ZGRF1: variants seen among roughly 807,000 people sequenced by gnomAD.
The protein encoded by ZGRF1 is 5'-3' DNA helicase ZGRF1.
In ZGRF1, 196 loss-of-function variants were observed where a neutral mutation model predicts 203.5. The observed-to-expected ratio is 0.96, with a 90% CI of 0.86 to 1.08. The LOEUF is 1.08. ZGRF1 is among the 50% of genes least tolerant of loss of function. The pLI, the probability that ZGRF1 is intolerant of heterozygous loss-of-function variation, is 0.00. For synonymous variants in ZGRF1, 809 were observed against 841.3 expected, an observed-to-expected ratio of 0.96 and a Z score of 0.66; for missense variants, 2,326 against 2,416.3, an observed-to-expected ratio of 0.96 and a Z score of 0.78.
chr4:112,585,867 C>A (rs2149016074), intron 13 of ZGRF1, 142 bp from the exon 14 acceptor site: 5 of 438,522 alleles, frequency 1.1e-5, no homozygotes, highest in South Asian at 7.5e-5. Flanking sequence ...AAGTTATTTT[C>A]TGCTAAATTT....
chr4:112,611,349 G>A (rs1352609223), intron 7 of ZGRF1, among the ~76,000 whole-genome samples: 1 of 152,172 alleles, frequency 6.6e-6, no homozygotes, highest in East Asian at 1.9e-4. Context: ...GCTGCAGTGA[G>A]CCAAGATCGT....
intron 3 of ZGRF1, chr4:112,629,966 C>T: frequency 3.3e-6 from 1 of 298,718 alleles, no homozygotes; most frequent in Non-Finnish European, 6.9e-6. Flanking sequence ...TTGTAGTGAG[C>T]CAAGACTGTG....
At chr4:112,611,798 T>C (rs971979525) in intron 7 of ZGRF1, among the ~76,000 whole-genome samples, 2 of 152,190 alleles carry the variant, frequency 1.3e-5, no homozygotes, top group Admixed American at 6.5e-5. Context: ...TTCAATGACA[T>C]TGCACCTTTG....
At chr4:112,613,372 T>C (rs2046758544) in intron 6 of ZGRF1, among the ~76,000 whole-genome samples, 1 of 152,016 alleles carries the variant, frequency 6.6e-6, no homozygotes, top group African/African-American at 2.4e-5. Context: ...AAGAAAAAAA[T>C]TCTATATTCT....
chr4:112,618,482 C>T lies in ZGRF1; in HGVS notation c.1560G>A (p.Leu520=), dbSNP rs1184535239. The change falls in exon 6 of 28, where the codon CTG becomes CTA. Residue 520 remains leucine (L), a synonymous_variant. Transcript: ENST00000505019. ...CCAAAAATGGTTGTGTTACATTACT[C>T]AGAGATTCATGAATACTATTAAGAC... is the stretch of plus-strand genomic sequence containing the variant. The part of the protein sequence containing the change: ...NESLNSIHES[L]SNVTQPFLEV... 1 of 1,613,420 alleles carries T rather than the reference C, an allele frequency of 6.2e-7. No individual in the cohort carries two copies. Among genetic ancestry groups the T allele is most frequent in the Non-Finnish European group, 8.5e-7 (1 of 1,179,764 alleles).
At chr4:112,557,234 C>A (rs1307700208) in intron 20 of ZGRF1, among the ~76,000 whole-genome samples, 3 of 151,386 alleles carry the variant, frequency 2.0e-5, no homozygotes. Context: ...TGCAGTGGTG[C>A]AGTCTCAGCT....
intron 16 of ZGRF1, among the ~76,000 whole-genome samples, chr4:112,575,663 C>T (rs1428904587): frequency 2.0e-5 from 3 of 152,198 alleles, no homozygotes; most frequent in Non-Finnish European, 2.9e-5. Flanking sequence ...CCTACACCCA[C>T]GGAGCCTCGC....
At chr4:112,575,928 T>C (rs993444114) in intron 16 of ZGRF1, among the ~76,000 whole-genome samples, 35 of 151,962 alleles carry the variant, frequency 2.3e-4, no homozygotes, top group African/African-American at 7.3e-4. Flanking sequence ...TTGAAGAGAG[T>C]AGTGGTTCTC....
At chr4:112,568,478 C>T (rs553804402) in intron 16 of ZGRF1, among the ~76,000 whole-genome samples, 10 of 142,878 alleles carry the variant, frequency 7.0e-5, no homozygotes, top group African/African-American at 1.0e-4. Context: ...TGGGAGGCCG[C>T]GGTGGGTGGA....
chr4:112,552,653 A>T (rs937598557), intron 22 of ZGRF1, among the ~76,000 whole-genome samples: 4 of 152,200 alleles, frequency 2.6e-5, no homozygotes, highest in Admixed American at 2.0e-4. Flanking sequence ...GTTAGTCTGA[A>T]GTTTTCTGAG....
chr4:112,546,072 GTAATAA>G lies in ZGRF1; in HGVS notation c.5598+1207_5598+1212del, dbSNP rs142640030. ...TACAACATTATGAATGTACTTTAAA[GTAATAA>G]TAATAATAATAATAATGTAGTACCA... On this transcript the variant is annotated intron_variant, in intron 24 of 27. Transcript: ENST00000505019. Among the ~76,000 whole-genome samples, 57 of 147,274 alleles carry G rather than the reference GTAATAA, an allele frequency of 3.9e-4. 1 individual carries two copies. The highest frequency in any genetic ancestry group is 3.6e-3 in the Middle Eastern group (1 of 280).
At chr4:112,581,171 C>G (rs950773087) in intron 16 of ZGRF1, among the ~76,000 whole-genome samples, 1 of 150,710 alleles carries the variant, frequency 6.6e-6, no homozygotes, top group East Asian at 2.0e-4. Context: ...AGCAAACTAT[C>G]GCAAGGACAA....
intron 10 of ZGRF1, among the ~76,000 whole-genome samples, chr4:112,592,566 C>A (rs892117635): frequency 3.9e-5 from 6 of 152,152 alleles, no homozygotes; most frequent in African/African-American, 1.4e-4. Context: ...TATCCCAATT[C>A]TTGATACAAA....
At chr4:112,562,594 T>C (rs1578730146) in intron 17 of ZGRF1, 109 bp from the exon 18 acceptor site, 3 of 683,922 alleles carry the variant, frequency 4.4e-6, no homozygotes, top group African/African-American at 1.8e-5. Context: ...ATTAAGCACA[T>C]GACATAAAAC....
chr4:112,596,802 A>C (rs1349912944), intron 10 of ZGRF1, among the ~76,000 whole-genome samples: 1 of 152,126 alleles, frequency 6.6e-6, no homozygotes, highest in African/African-American at 2.4e-5. Flanking sequence ...CCCGTTGCCC[A>C]GGATGGTCTC....
At chr4:112,583,796 G>A (rs1223513249) in intron 15 of ZGRF1, among the ~76,000 whole-genome samples, 182 bp downstream of exon 15, 1 of 151,710 alleles carries the variant, frequency 6.6e-6, no homozygotes, top group Non-Finnish European at 1.5e-5. Flanking sequence ...CAGAGCAAGA[G>A]CTTGTAACTA....
chr4:112,618,880 C>A lies in ZGRF1; in HGVS notation c.1162G>T (p.Asp388Tyr), dbSNP rs780989873. 44 of 1,613,468 alleles carry A rather than the reference C, an allele frequency of 2.7e-5. No individual in the cohort carries two copies. Among genetic ancestry groups the A allele is most frequent in the Non-Finnish European group, 3.6e-5 (42 of 1,179,764 alleles). The stretch of plus-strand genomic sequence containing the variant: ...GGATCATTATTACCGACTGACTGGT[C>A]TACATTATACTTTTTCCTCTCTTCA... The part of the protein sequence containing the change: ...YAEERKKYNV[D>Y]QSVGNNDPSW... The change falls in exon 6 of 28, where the codon GAC becomes TAC. Residue 388 changes from aspartate (D) to tyrosine (Y), a missense_variant. Physicochemically the swap from Asp to Tyr is radical, Grantham distance 160 (BLOSUM62 -3). Coordinates refer to ENST00000505019, the MANE Select transcript of ZGRF1 (RefSeq NM_018392.5).
At chr4:112,610,553 AG>A (rs963106982) in intron 7 of ZGRF1, among the ~76,000 whole-genome samples, 1 of 152,174 alleles carries the variant, frequency 6.6e-6, no homozygotes, top group African/African-American at 2.4e-5. Flanking sequence ...CCTGGGCAAT[AG>A]AGCAAGACTC....
chr4:112,618,440 C>A lies in ZGRF1; in HGVS notation c.1602G>T (p.Leu534=). The A allele has an allele frequency of 6.2e-7, 1 of 1,613,648 alleles. No homozygotes were observed. Among genetic ancestry groups the A allele is most frequent in the South Asian group, 1.1e-5 (1 of 91,046 alleles). Residue 534 remains leucine, a synonymous_variant, in exon 6 of 28, where the codon CTG becomes CTT. Transcript: ENST00000505019. ...CAGTGTCACTGGTCTCAAAATTGTT[C>A]AGATTAAAAGTTACCTCCAAAAATG... ...TQPFLEVTFN[L]NNFETSDTEE...
Sources: allele counts gnomAD v4.1 joint callset (sites outside exome capture counted in the v4.1 genomes callset), GRCh38; gene constraint gnomAD v4.1.1; transcripts MANE v1.5; gene names NCBI Gene and HGNC (gene_info 2026-07-23, HGNC 2026-07-21).